SMYD3: variants seen among roughly 807,000 people sequenced by gnomAD.
SMYD3 encodes the protein SET and MYND domain containing 3.
SMYD3 carries 36 observed loss-of-function variants against 57.7 expected under a neutral mutation model. That is an observed-to-expected ratio of 0.62 (90% CI 0.48 to 0.82). The LOEUF (loss-of-function observed/expected upper bound fraction) is 0.82. Ranked by LOEUF, SMYD3 falls within the 40% of genes least tolerant of loss-of-function variation. The probability of loss-of-function intolerance (pLI) is 0.00; values close to 1 mark genes in which losing one functional copy is unlikely to be tolerated. For missense variants in SMYD3, 515 were observed against 538.8 expected, an observed-to-expected ratio of 0.96 and a Z score of 0.44; for synonymous variants, 211 against 195.0, an observed-to-expected ratio of 1.08 and a Z score of -0.68.
intron 10 of SMYD3, among the ~76,000 whole-genome samples, chr1:245,801,838 A>G (rs1355532930): frequency 6.6e-6 from 1 of 152,144 alleles, no homozygotes; most frequent in African/African-American, 2.4e-5. Flanking sequence ...AAAACAAAAC[A>G]AAACTCTGTG....
intron 5 of SMYD3, among the ~76,000 whole-genome samples, chr1:246,284,994 G>C: frequency 6.6e-6 from 1 of 151,176 alleles, no homozygotes; most frequent in African/African-American, 2.4e-5. Context: ...AGGTTTTTGG[G>C]GAACAGGTGG....
At chr1:245,939,872 C>T (rs1184443233) in intron 5 of SMYD3, among the ~76,000 whole-genome samples, 1 of 152,038 alleles carries the variant, frequency 6.6e-6, no homozygotes, top group Non-Finnish European at 1.5e-5. Context: ...AAGAACGGTT[C>T]GAAAGTCTTT....
chr1:245,750,007 T>C (rs1220001945), intron 11 of SMYD3, among the ~76,000 whole-genome samples: 1 of 152,222 alleles, frequency 6.6e-6, no homozygotes, highest in Non-Finnish European at 1.5e-5. Flanking sequence ...ACCATGCTGC[T>C]ACCACCTTAA....
At chr1:245,785,443 C>T (rs868637927) in intron 10 of SMYD3, among the ~76,000 whole-genome samples, 1 of 152,130 alleles carries the variant, frequency 6.6e-6, no homozygotes, top group Non-Finnish European at 1.5e-5. Context: ...ATTATACTTG[C>T]AGATGCAATA....
intron 5 of SMYD3, among the ~76,000 whole-genome samples, chr1:245,992,273 C>A (rs1572856284): frequency 2.1e-5 from 3 of 144,456 alleles, no homozygotes; most frequent in South Asian, 2.4e-4. Flanking sequence ...CACACACCAA[C>A]TTACAACTGA....
At chr1:246,267,556 C>G (rs2064133107) in intron 5 of SMYD3, among the ~76,000 whole-genome samples, 1 of 152,186 alleles carries the variant, frequency 6.6e-6, no homozygotes, top group Non-Finnish European at 1.5e-5. Context: ...GAAAACAGAT[C>G]TTATCTAAGA....
intron 5 of SMYD3, among the ~76,000 whole-genome samples, chr1:246,229,799 G>C (rs1051772397): frequency 6.6e-6 from 1 of 152,188 alleles, no homozygotes; most frequent in African/African-American, 2.4e-5. Flanking sequence ...TACTGATATA[G>C]TGGCAATTAA....
intron 5 of SMYD3, among the ~76,000 whole-genome samples, chr1:246,135,537 G>A (rs2061653651): frequency 6.6e-6 from 1 of 151,948 alleles, no homozygotes; most frequent in African/African-American, 2.4e-5. Flanking sequence ...GAAGTCATTA[G>A]GCAAAGAACA....
intron 5 of SMYD3, among the ~76,000 whole-genome samples, chr1:246,007,358 GAGTCT>G (rs1464665225): frequency 6.6e-6 from 1 of 152,288 alleles, no homozygotes; most frequent in Non-Finnish European, 1.5e-5. Context: ...TCGTGAAAGG[GAGTCT>G]GGAGTCAGCT....
At position 246,470,622 on chromosome 1, in the gene SMYD3, TAC is replaced by T. The variant is rs199821203; in HGVS notation, c.164+36430_164+36431del. On this transcript the variant is annotated intron_variant, in intron 1 of 11. Coordinates refer to ENST00000490107, the MANE Select transcript of SMYD3 (RefSeq NM_001167740.2). ...TGTATATATACACACACTATATATA[TAC>T]ACACTATATATATAGTGTATGTATG... Among the ~76,000 whole-genome samples the T allele has an allele frequency of 3.1e-3, 471 of 150,736 alleles. 17 individuals are homozygous for T. Among genetic ancestry groups the T allele is most frequent in the East Asian group, 0.02 (104 of 5,160 alleles).
chr1:245,949,466 A>T (rs73130315), intron 5 of SMYD3, among the ~76,000 whole-genome samples: 6,159 of 152,188 alleles, frequency 0.04, 401 homozygotes, highest in African/African-American at 0.14. Flanking sequence ...AAAAAGAAAA[A>T]AAATCATATG....
chr1:245,808,367 C>A (rs1451128011), intron 10 of SMYD3, among the ~76,000 whole-genome samples: 1 of 152,182 alleles, frequency 6.6e-6, no homozygotes, highest in Non-Finnish European at 1.5e-5. Context: ...TGCCATGATG[C>A]CCCAAAACAT....
At chr1:245,951,221 C>T (rs190235922) in intron 5 of SMYD3, among the ~76,000 whole-genome samples, 2 of 152,142 alleles carry the variant, frequency 1.3e-5, no homozygotes, top group African/African-American at 4.8e-5. Context: ...CTGTTACCTT[C>T]CTTGGTTACA....
At chr1:245,833,311 C>T (rs57735475) in intron 10 of SMYD3, among the ~76,000 whole-genome samples, 2,379 of 152,254 alleles carry the variant, frequency 0.016, 67 homozygotes, top group African/African-American at 0.053. Context: ...CGTGCATCTA[C>T]CCACGTCTCT....
chr1:246,417,617 A>C (rs1490601312), intron 1 of SMYD3, among the ~76,000 whole-genome samples: 1 of 152,032 alleles, frequency 6.6e-6, no homozygotes, highest in Non-Finnish European at 1.5e-5. Context: ...CAGTCAGTTT[A>C]CCAGAATGCA....
Position 246,300,371 on chromosome 1 carries a change from T to C in SMYD3, c.531+26830A>G, listed in dbSNP as rs1381810474. On this transcript the variant is annotated intron_variant, in intron 5 of 11. Coordinates refer to ENST00000490107, the MANE Select transcript of SMYD3 (RefSeq NM_001167740.2). The stretch of plus-strand genomic sequence containing the variant: ...TGTTGAAGGATCAAGGGGACTTAGA[T>C]GTATTAAAGGTAATGTGATGGCTGT... 4.6e-5 allele frequency among the ~76,000 whole-genome samples: 7 copies of C among 152,284 alleles called. No homozygotes were observed. The East Asian group carries it at 1.4e-3, about 29-fold the overall frequency.
chr1:245,932,043 T>G (rs1022095980), intron 5 of SMYD3, among the ~76,000 whole-genome samples: 1 of 152,226 alleles, frequency 6.6e-6, no homozygotes, highest in Non-Finnish European at 1.5e-5. Context: ...AGTCCTACGT[T>G]TAATTTTTGA....
At chr1:246,426,988 A>C (rs1163939264) in intron 1 of SMYD3, among the ~76,000 whole-genome samples, 1 of 152,178 alleles carries the variant, frequency 6.6e-6, no homozygotes, top group Non-Finnish European at 1.5e-5. Context: ...CATAAAAATA[A>C]TTTTAGAAAC....
chr1:246,151,139 A>C (rs2061935100), intron 5 of SMYD3, among the ~76,000 whole-genome samples: 1 of 151,954 alleles, frequency 6.6e-6, no homozygotes. Flanking sequence ...CCAGCTACTC[A>C]GAAGGCTGAG....
Sources: gnomAD v4.1 joint callset for allele counts (sites outside exome capture counted in the v4.1 genomes callset) on GRCh38, gnomAD v4.1.1 for gene constraint, MANE v1.5 for transcripts, NCBI Gene and HGNC (gene_info 2026-07-23, HGNC 2026-07-21) for gene names.